The following REV1 variants were observed in gnomAD, a reference collection of about 807,000 sequenced individuals.
The protein encoded by REV1 is REV1 DNA directed polymerase.
REV1 carries 42 observed loss-of-function variants against 137.4 expected under a neutral mutation model. That is an observed-to-expected ratio of 0.31 (90% CI 0.24 to 0.40). REV1 has a LOEUF of 0.40. Ranked by LOEUF, REV1 falls within the 10% of genes least tolerant of loss-of-function variation. REV1 has a pLI of 1.00. For synonymous variants in REV1, 524 were observed against 519.2 expected, an observed-to-expected ratio of 1.01 and a Z score of -0.12; for missense variants, 1,282 against 1,490.1, an observed-to-expected ratio of 0.86 and a Z score of 2.30.
chr2:99,412,740 C>T lies in REV1; in HGVS notation c.2163G>A (p.Arg721=). The change falls in exon 13 of 23, where the codon AGG becomes AGA. Residue 721 remains arginine, a synonymous_variant. Transcript: ENST00000258428. The part of the protein sequence containing the change: ...SVSAEINYGI[R]FTQPKEAEAF... ...GTTCAATGATCAGTACCTGAGTAAA[C>T]CTTATTCCATAGTTGATCTCAGCTG... 1.2e-6 allele frequency: 2 copies of T among 1,613,042 alleles called. No homozygotes were observed. Among genetic ancestry groups the T allele is most frequent in the Non-Finnish European group, 1.7e-6 (2 of 1,179,050 alleles).
chr2:99,401,171 T>A lies in REV1; in HGVS notation c.*70A>T. 4.5e-6 allele frequency: 4 copies of A among 885,088 alleles called. No individual in the cohort carries two copies. Among genetic ancestry groups the A allele is most frequent in the Non-Finnish European group, 7.5e-6 (4 of 531,840 alleles). 54.8% of individuals were successfully genotyped at this position (885,088 alleles called of 1,614,324 possible). A position where few individuals can be genotyped will look rare whatever the true frequency, so the allele number is the denominator to read the frequency against. ...ATAAAAACTCCGAGCATTACTATCA[T>A]GCACTTTGCAAATACCTCACAAGCA... On this transcript the variant is annotated 3_prime_UTR_variant, in exon 23 of 23. Coordinates refer to ENST00000258428, the MANE Select transcript of REV1 (RefSeq NM_016316.4).
At position 99,424,998 on chromosome 2, in the gene REV1, T is replaced by C. The variant is rs372558007; in HGVS notation, c.1548-718A>G. ...CCACAAAACTATAATTATGGAATTA[T>C]ACATAATTAGTAAAATTCTATTTTA... On this transcript the variant is annotated intron_variant, in intron 9 of 22. Transcript: ENST00000258428. 47 of 862,458 alleles carry C rather than the reference T, an allele frequency of 5.4e-5. 1 individual carries two copies. The East Asian group carries it at 1.3e-3, about 24-fold the overall frequency. 53.4% of individuals were successfully genotyped at this position (862,458 alleles called of 1,614,324 possible).
chr2:99,475,523 A>G (rs149287480), intron 1 of REV1, among the ~76,000 whole-genome samples: 4 of 152,302 alleles, frequency 2.6e-5, no homozygotes, highest in African/African-American at 9.6e-5. Context: ...GTCTTTGAAG[A>G]GGTACATCTA....
chr2:99,425,379 C>T (rs577042626), intron 9 of REV1, among the ~76,000 whole-genome samples: 1 of 152,140 alleles, frequency 6.6e-6, no homozygotes, highest in African/African-American at 2.4e-5. Context: ...ATAAGAAATA[C>T]CTAAGAGGAA....
At chr2:99,403,389 T>C (rs1196464829) in intron 19 of REV1, 2 of 554,258 alleles carry the variant, frequency 3.6e-6, no homozygotes, top group Non-Finnish European at 6.4e-6. Flanking sequence ...TGAACCAACA[T>C]CCTTTAATGT....
chr2:99,412,915 A>C lies in REV1; in HGVS notation c.1988T>G (p.Leu663Trp). Residue 663 changes from leucine to tryptophan, a missense_variant, in exon 13 of 23, where the codon TTG becomes TGG. Leu to Trp is a moderately conservative substitution (Grantham distance 61). Around this residue, in one of 7 missense-constraint regions of REV1, gnomAD observed 372 missense variants for 482.3 expected, o/e 0.77. Coordinates refer to ENST00000258428, the MANE Select transcript of REV1 (RefSeq NM_016316.4). ...CAAGTCTCCACAAGTTTTAATTCCCAAAGATGCCAACTTAGATTCCATTGA... is the reference window on the plus strand; with the variant it reads ...CAAGTCTCCACAAGTTTTAATTCCCCAAGATGCCAACTTAGATTCCATTGA... ...GHSMESKLAS[L>W]GIKTCGDLQY... is the part of the protein sequence containing the mutation. 2.5e-6 allele frequency: 4 copies of C among 1,614,126 alleles called. No homozygotes were observed. In the South Asian group the frequency reaches 4.4e-5, roughly 18 times the overall value.
At position 99,439,327 on chromosome 2, in the gene REV1, T is replaced by G; in HGVS notation, c.504-17A>C. On this transcript the variant is annotated splice_polypyrimidine_tract_variant and intron_variant, in intron 5 of 22. Coordinates refer to ENST00000258428, the MANE Select transcript of REV1 (RefSeq NM_016316.4). The stretch of plus-strand genomic sequence containing the variant: ...ATGTGATTTCTAAAGCAGGAAAAAA[T>G]TTTTGAGTTAATAATATCTGACTTT... 1.3e-6 allele frequency: 2 copies of G among 1,565,942 alleles called. No individual in the cohort carries two copies. Among genetic ancestry groups the G allele is most frequent in the East Asian group, 2.3e-5 (1 of 44,436 alleles).
At chr2:99,478,640 C>G (rs1438390480) in intron 1 of REV1, among the ~76,000 whole-genome samples, 3 of 152,114 alleles carry the variant, frequency 2.0e-5, no homozygotes, top group Non-Finnish European at 2.9e-5. Flanking sequence ...ACAGGAAGAA[C>G]AGAACTTAGC....
At chr2:99,469,090 T>C (rs2105199244) in intron 1 of REV1, among the ~76,000 whole-genome samples, 1 of 152,266 alleles carries the variant, frequency 6.6e-6, no homozygotes, top group South Asian at 2.1e-4. Flanking sequence ...GCAGAATCTT[T>C]GTGGGGCCAT....
At chr2:99,478,438 C>T (rs988406156) in intron 1 of REV1, among the ~76,000 whole-genome samples, 24 of 151,886 alleles carry the variant, frequency 1.6e-4, no homozygotes, top group African/African-American at 5.1e-4. Context: ...GATCAAGCTA[C>T]GAAGGAACAC....
In REV1 at chr2:99,400,508, G is replaced by A. The variant is rs967835373; in HGVS notation, c.*733C>T. The A allele has an allele frequency of 6.6e-6, 1 of 151,984 alleles. No homozygotes were observed. The highest frequency in any genetic ancestry group is 2.4e-5 in the African/African-American group (1 of 41,372). 9.4% of individuals were successfully genotyped at this position (151,984 alleles called of 1,614,324 possible). A position where few individuals can be genotyped will look rare whatever the true frequency, so the allele number is the denominator to read the frequency against. On this transcript the variant is annotated 3_prime_UTR_variant, in exon 23 of 23. Coordinates refer to ENST00000258428, the MANE Select transcript of REV1 (RefSeq NM_016316.4). Reference sequence around the variant, plus strand: ...TAAACTATTTTTATTTTAAAGTTATGGCATAACATATAACATAAAAATATT... The same window carrying A: ...TAAACTATTTTTATTTTAAAGTTATAGCATAACATATAACATAAAAATATT...
At chr2:99,408,219 T>C (rs957965496) in intron 14 of REV1, 88 bp from the exon 15 acceptor site, 3 of 663,222 alleles carry the variant, frequency 4.5e-6, no homozygotes, top group South Asian at 6.4e-5. Flanking sequence ...AAAAGAGTTA[T>C]AGAAAAGTTG....
chr2:99,424,446 C>T lies in REV1; in HGVS notation c.1548-166G>A. The T allele has an allele frequency of 4.1e-6, 3 of 728,724 alleles. 1 individual carries two copies. The South Asian group carries it at 5.8e-5, about 14-fold the overall frequency. 45.1% of individuals were successfully genotyped at this position (728,724 alleles called of 1,614,324 possible). ...ATTAAAATTTACAGCCTTGTTTTCC[C>T]CCAAAAGTCACAACTGTCTGAATAG... is the stretch of plus-strand genomic sequence containing the variant. On this transcript the variant is annotated intron_variant, in intron 9 of 22. Coordinates refer to ENST00000258428, the MANE Select transcript of REV1 (RefSeq NM_016316.4).
rs1321854473 is a variant in REV1 at position 99,402,625 on chromosome 2, T to TA, written c.3541+18dup. On this transcript the variant is annotated intron_variant, in intron 21 of 22. Transcript: ENST00000258428. ...GACTACATCTCAGCCTTGGGCCATC[T>TA]AACACAGGCCAAGCCAACCTGAAAT... 1 of 1,610,914 alleles carries TA rather than the reference T, an allele frequency of 6.2e-7. No individual in the cohort carries two copies. The highest frequency in any genetic ancestry group is 1.3e-5 in the African/African-American group (1 of 74,860).
chr2:99,489,548 G>A (rs1687473817), intron 1 of REV1, among the ~76,000 whole-genome samples: 2 of 148,504 alleles, frequency 1.3e-5, no homozygotes, highest in African/African-American at 4.9e-5. Context: ...CGGCGGCGCG[G>A]GGCCGGCCGC....
At position 99,424,132 on chromosome 2, in the gene REV1, G is replaced by A. The variant is rs748637281; in HGVS notation, c.1676+20C>T. The A allele has an allele frequency of 3.1e-6, 5 of 1,606,284 alleles. No homozygotes were observed. Among genetic ancestry groups the A allele is most frequent in the Non-Finnish European group, 4.2e-6 (5 of 1,177,014 alleles). ...AAGAAGGAAAACACAGACACAAAAT[G>A]ACAGTTTGATACACTGTACCTTGCC... On this transcript the variant is annotated intron_variant, in intron 10 of 22. Coordinates refer to ENST00000258428, the MANE Select transcript of REV1 (RefSeq NM_016316.4).
At chr2:99,459,158 A>G (rs957744825) in intron 3 of REV1, among the ~76,000 whole-genome samples, 1 of 151,356 alleles carries the variant, frequency 6.6e-6, no homozygotes, top group African/African-American at 2.4e-5. Flanking sequence ...CAGTGAGCCG[A>G]GATCGCGCCA....
At chr2:99,423,437 G>A (rs9941566) in intron 10 of REV1, among the ~76,000 whole-genome samples, 22,314 of 152,032 alleles carry the variant, frequency 0.15, 1,794 homozygotes, top group East Asian at 0.25. Context: ...CATTCACAAC[G>A]CAGAACTGAG....
chr2:99,438,983 C>G lies in REV1; in HGVS notation c.831G>C (p.Gln277His). Reference sequence around the variant, plus strand: ...TGTTTCTGGTGCTTTGCTGCAACTGCTGCAGAGTGCAGTCTCTGAAATCAG... The same window carrying G: ...TGTTTCTGGTGCTTTGCTGCAACTGGTGCAGAGTGCAGTCTCTGAAATCAG... ...SSTDFRDCTL[Q>H]QLQQSTRNTD... The change falls in exon 6 of 23, where the codon CAG becomes CAC. Residue 277 changes from glutamine to histidine, a missense_variant. By Grantham distance (24) the Gln-to-His change is conservative (BLOSUM62 0). Around this residue, in one of 7 missense-constraint regions of REV1, gnomAD observed 432 missense variants for 438.0 expected, o/e 0.99. Transcript: ENST00000258428. 6.2e-7 allele frequency: 1 copy of G among 1,614,218 alleles called. No individual in the cohort carries two copies. The highest frequency in any genetic ancestry group is 8.5e-7 in the Non-Finnish European group (1 of 1,180,034).
Sources: allele counts gnomAD v4.1 joint callset (sites outside exome capture counted in the v4.1 genomes callset), GRCh38; gene constraint gnomAD v4.1.1; regional missense constraint gnomAD v4.1.1; transcripts MANE v1.5; gene names NCBI Gene and HGNC (gene_info 2026-07-23, HGNC 2026-07-21).